Variants in HDAC9 observed in about 807,000 individuals in gnomAD.
HDAC9 encodes the protein histone deacetylase 9, also known as MEF-2 interacting transcription repressor (MITR) protein.
In HDAC9, 41 loss-of-function variants were observed where a neutral mutation model predicts 139.4. That is an observed-to-expected ratio of 0.29 (90% CI 0.23 to 0.38). The LOEUF (loss-of-function observed/expected upper bound fraction) is 0.38, where lower values mean the gene tolerates loss of function less well. Ranked by LOEUF, HDAC9 falls within the 10% of genes least tolerant of loss-of-function variation. The pLI is 1.00. For synonymous variants in HDAC9, 517 were observed against 476.2 expected (o/e 1.09, Z -1.12); for missense variants, 1,147 against 1,297.0 (o/e 0.88, Z 1.78).
chr7:18,537,921 G>A (rs1446855068), intron 2 of HDAC9, among the ~76,000 whole-genome samples: 5 of 152,184 alleles, frequency 3.3e-5, no homozygotes, highest in African/African-American at 1.2e-4. Context: ...CTCAGTTGAT[G>A]GGCCTTGCCT....
intron 2 of HDAC9, among the ~76,000 whole-genome samples, chr7:18,262,418 G>T (rs1367732904): frequency 6.6e-6 from 1 of 152,238 alleles, no homozygotes; most frequent in East Asian, 1.9e-4. Flanking sequence ...AGAAATTAAG[G>T]CATTTCCAGA....
At chr7:18,903,714 C>G (rs1219352105) in intron 22 of HDAC9, among the ~76,000 whole-genome samples, 3 of 152,212 alleles carry the variant, frequency 2.0e-5, no homozygotes, top group Admixed American at 6.5e-5. Context: ...TACCTACATC[C>G]TAAAGTAAGC....
chr7:18,605,297 T>C (rs1195609257), intron 6 of HDAC9, among the ~76,000 whole-genome samples: 2 of 152,190 alleles, frequency 1.3e-5, no homozygotes, highest in African/African-American at 4.8e-5. Context: ...AAATTTCATT[T>C]TTTTAAGTGG....
chr7:18,199,602 A>G (rs1017141203), intron 2 of HDAC9, among the ~76,000 whole-genome samples: 2 of 152,010 alleles, frequency 1.3e-5, no homozygotes, highest in Admixed American at 6.6e-5. Flanking sequence ...CCTGGGCAAC[A>G]TAGTGCGACC....
At chr7:18,592,925 A>G (rs1831397685) in intron 5 of HDAC9, among the ~76,000 whole-genome samples, 1 of 152,160 alleles carries the variant, frequency 6.6e-6, no homozygotes, top group African/African-American at 2.4e-5. Flanking sequence ...AGAAACAGCT[A>G]CATGCAAAGA....
At chr7:18,744,987 T>C (rs1787809430) in intron 13 of HDAC9, among the ~76,000 whole-genome samples, 1 of 152,236 alleles carries the variant, frequency 6.6e-6, no homozygotes, top group Non-Finnish European at 1.5e-5. Context: ...ATTTTAACTC[T>C]TGTCCCACTG....
chr7:18,118,886 C>A (rs766827245), intron 1 of HDAC9, among the ~76,000 whole-genome samples: 2 of 152,106 alleles, frequency 1.3e-5, no homozygotes, highest in Non-Finnish European at 2.9e-5. Context: ...TATGGGAAAT[C>A]GGAAAACACC....
chr7:18,319,481 C>A lies in HDAC9; in HGVS notation c.-42+28966C>A, dbSNP rs531445996. On this transcript the variant is annotated intron_variant, in intron 1 of 3. Transcript: ENST00000413509. ...TGGAAACTATGTTATTTGTTGACGC[C>A]TATAAATTTAAAAATAAGTCAAACA... Among the ~76,000 whole-genome samples, 5 of 152,222 alleles carry A rather than the reference C, an allele frequency of 3.3e-5. No homozygotes were observed. The South Asian group carries it at 1.0e-3, about 32-fold the overall frequency.
Position 18,257,450 on chromosome 7 carries a change from G to T in HDAC9, c.25+95101G>T, listed in dbSNP as rs181077458. On this transcript the variant is annotated intron_variant, in intron 2 of 12. Coordinates refer to the HDAC9 transcript ENST00000417496. Reference sequence around the variant, plus strand: ...ACACACACACACAAAAAGAAAAAAAGAAAAAGTAGCATAAATTAAAGATGA... The same window carrying T: ...ACACACACACACAAAAAGAAAAAAATAAAAAGTAGCATAAATTAAAGATGA... Among the ~76,000 whole-genome samples the T allele has an allele frequency of 6.0e-3, 844 of 140,108 alleles. 2 individuals carry two copies. The highest frequency in any genetic ancestry group is 8.6e-3 in the Non-Finnish European group (554 of 64,268). The allele number at this position is 140,108 out of a possible 152,430, so 91.9% of individuals were successfully genotyped here. A position where few individuals can be genotyped will look rare whatever the true frequency, so the allele number is the denominator to read the frequency against.
At chr7:18,450,748 T>G (rs1792741153) in intron 1 of HDAC9, among the ~76,000 whole-genome samples, 2 of 152,202 alleles carry the variant, frequency 1.3e-5, no homozygotes, top group African/African-American at 4.8e-5. Flanking sequence ...AATGCCAAAC[T>G]TTTTATTCTA....
intron 1 of HDAC9, among the ~76,000 whole-genome samples, chr7:18,419,571 G>A (rs563955654): frequency 1.3e-5 from 2 of 152,102 alleles, no homozygotes; most frequent in Non-Finnish European, 2.9e-5. Context: ...GAGGAGAAAC[G>A]ACTCTATTCT....
intron 21 of HDAC9, among the ~76,000 whole-genome samples, chr7:18,868,344 C>G (rs1382212552): frequency 6.6e-6 from 1 of 152,068 alleles, no homozygotes; most frequent in Non-Finnish European, 1.5e-5. Flanking sequence ...TGTTAGAGTC[C>G]CAGTATCTAC....
At chr7:18,283,725 A>T (rs1797253632) in intron 2 of HDAC9, among the ~76,000 whole-genome samples, 1 of 152,204 alleles carries the variant, frequency 6.6e-6, no homozygotes, top group Non-Finnish European at 1.5e-5. Flanking sequence ...ATAGTTACTG[A>T]GTCATTGACT....
chr7:18,523,664 G>A (rs932712634), intron 2 of HDAC9, among the ~76,000 whole-genome samples: 5 of 152,166 alleles, frequency 3.3e-5, no homozygotes, highest in East Asian at 1.9e-4. Context: ...AATTATAAAT[G>A]TACATAATTA....
At chr7:18,929,069 C>T (rs1804494691) in intron 22 of HDAC9, among the ~76,000 whole-genome samples, 1 of 151,918 alleles carries the variant, frequency 6.6e-6, no homozygotes, top group Non-Finnish European at 1.5e-5. Context: ...TAGAGAGAAG[C>T]ATTTGAGACA....
At chr7:18,632,649 T>C (rs1188865445) in intron 7 of HDAC9, among the ~76,000 whole-genome samples, 3 of 152,088 alleles carry the variant, frequency 2.0e-5, no homozygotes, top group Non-Finnish European at 2.9e-5. Context: ...TGGGAAATAA[T>C]ATTAGGCTCT....
chr7:18,584,277 C>T (rs561394705), intron 2 of HDAC9, among the ~76,000 whole-genome samples: 4 of 151,370 alleles, frequency 2.6e-5, no homozygotes, highest in Non-Finnish European at 4.4e-5. Context: ...TACAGGCACC[C>T]GCCACCACAC....
chr7:18,284,876 T>A (rs1468250501), intron 2 of HDAC9, among the ~76,000 whole-genome samples: 1 of 152,156 alleles, frequency 6.6e-6, no homozygotes, highest in Non-Finnish European at 1.5e-5. Flanking sequence ...CAGACATGAT[T>A]TTCAGCACTC....
chr7:18,092,420 A>G (rs1583988977), intron 1 of HDAC9, among the ~76,000 whole-genome samples: 1 of 150,552 alleles, frequency 6.6e-6, no homozygotes, highest in African/African-American at 2.5e-5. Flanking sequence ...TTTAAAAAAA[A>G]GAACCTCTGG....
Sources: gnomAD v4.1 joint callset for allele counts (sites outside exome capture counted in the v4.1 genomes callset) on GRCh38, gnomAD v4.1.1 for gene constraint, MANE v1.5 for transcripts, NCBI Gene and HGNC (gene_info 2026-07-23, HGNC 2026-07-21) for gene names.